The following ANXA4 variants were observed in gnomAD, a reference collection of about 807,000 sequenced individuals.
ANXA4 encodes the protein annexin A4.
A neutral mutation model predicts 49.8 loss-of-function variants in ANXA4; 39 were observed. The ratio of observed to expected loss-of-function variants is 0.78; its 90% confidence interval spans 0.61 to 1.02. The LOEUF (loss-of-function observed/expected upper bound fraction) is 1.02, where lower values mean the gene tolerates loss of function less well. Ranked by LOEUF, ANXA4 falls within the 50% of genes least tolerant of loss-of-function variation. ANXA4 has a pLI of 0.00. For missense variants in ANXA4, 360 were observed against 410.1 expected (o/e 0.88, Z 1.05); for synonymous variants, 134 against 152.5 (o/e 0.88, Z 0.89).
chr2:69,788,193 G>A, intron 3 of ANXA4, 52 bp downstream of exon 3: 2 of 1,518,852 alleles, frequency 1.3e-6, no homozygotes, highest in Non-Finnish European at 1.8e-6. Flanking sequence ...ACATCACAGG[G>A]TCACACAGGA....
intron 2 of ANXA4, among the ~76,000 whole-genome samples, chr2:69,673,187 T>G (rs1677255532): frequency 6.6e-6 from 1 of 152,296 alleles, no homozygotes; most frequent in Non-Finnish European, 1.5e-5. Context: ...ATCATTCTAC[T>G]ATAAAGACAC....
chr2:69,677,992 A>G (rs1677465026), intron 2 of ANXA4, among the ~76,000 whole-genome samples: 1 of 152,218 alleles, frequency 6.6e-6, no homozygotes, highest in African/African-American at 2.4e-5. Flanking sequence ...AGACTACAGT[A>G]TGGTGCAAAC....
chr2:69,763,410 T>C (rs1671374330), intron 1 of ANXA4, among the ~76,000 whole-genome samples: 1 of 152,020 alleles, frequency 6.6e-6, no homozygotes, highest in African/African-American at 2.4e-5. Context: ...AGAGAGGGCT[T>C]TTTGTTTTTT....
chr2:69,644,024 A>C, upstream of ANXA4: 1 of 373,862 alleles, frequency 2.7e-6, no homozygotes, highest in Non-Finnish European at 3.8e-6. Context: ...CTGGACTACA[A>C]ATCCCAGCAT....
chr2:69,800,662 TG>T (rs564632010), intron 3 of ANXA4, among the ~76,000 whole-genome samples: 377 of 152,182 alleles, frequency 2.5e-3, no homozygotes, highest in African/African-American at 8.8e-3. Context: ...CCTTGGGAGA[TG>T]ATTGAGTTTC....
chr2:69,719,003 G>A (rs1233660805), intron 2 of ANXA4, among the ~76,000 whole-genome samples: 2 of 147,658 alleles, frequency 1.4e-5, no homozygotes, highest in African/African-American at 5.0e-5. Flanking sequence ...TTGTGACTGA[G>A]TCTCACACTG....
upstream of ANXA4, among the ~76,000 whole-genome samples, chr2:69,741,520 A>C (rs1194368358): frequency 2.0e-5 from 3 of 152,260 alleles, no homozygotes; most frequent in African/African-American, 7.2e-5. Context: ...TGCTGGGCGC[A>C]CAGGGAAGAG....
chr2:69,791,946 A>G (rs916942827), intron 3 of ANXA4, among the ~76,000 whole-genome samples: 1 of 152,238 alleles, frequency 6.6e-6, no homozygotes, highest in African/African-American at 2.4e-5. Context: ...CACTAGAACC[A>G]TAGACATCCC....
At chr2:69,820,108 C>A (rs902929328) in intron 11 of ANXA4, among the ~76,000 whole-genome samples, 8 of 149,890 alleles carry the variant, frequency 5.3e-5, no homozygotes, top group Non-Finnish European at 1.0e-4. Flanking sequence ...ACAACAACAA[C>A]AAAAATGTAG....
At chr2:69,735,961 T>G (rs529525697) in intron 3 of ANXA4, among the ~76,000 whole-genome samples, 1 of 152,306 alleles carries the variant, frequency 6.6e-6, no homozygotes, top group Non-Finnish European at 1.5e-5. Flanking sequence ...CCAAAGCTCC[T>G]TGACTCTTTA....
At chr2:69,740,680 C>CTTTTTTTTTTTT (rs3077548), upstream of ANXA4, among the ~76,000 whole-genome samples, 4 of 75,760 alleles carry the variant, frequency 5.3e-5, 1 homozygote, top group Non-Finnish European at 9.7e-5. Flanking sequence ...CTTTCTTCCT[C>CTTTTTTTTTTTT]TTTTTTTTTT....
chr2:69,788,242 T>G, intron 3 of ANXA4, 101 bp downstream of exon 3: 2 of 1,063,804 alleles, frequency 1.9e-6, no homozygotes, highest in Non-Finnish European at 2.8e-6. Context: ...GGTCTTCCTT[T>G]AATAAAACAC....
intron 3 of ANXA4, among the ~76,000 whole-genome samples, chr2:69,729,687 A>G (rs556903339): frequency 5.6e-4 from 85 of 152,368 alleles, no homozygotes; most frequent in African/African-American, 2.0e-3. Context: ...ATATCACTTC[A>G]TAGTCATTAT....
intron 3 of ANXA4, among the ~76,000 whole-genome samples, chr2:69,724,609 A>G (rs1669909813): frequency 6.6e-6 from 1 of 152,162 alleles, no homozygotes; most frequent in African/African-American, 2.4e-5. Flanking sequence ...AGATCCTTTC[A>G]AGCCCTTTGG....
At position 69,804,636 on chromosome 2, in the gene ANXA4, C is replaced by G. The variant is rs1673362461; in HGVS notation, c.192+9C>G. On this transcript the variant is annotated intron_variant, in intron 4 of 12. Coordinates refer to ENST00000394295, the MANE Select transcript of ANXA4 (RefSeq NM_001153.5). ...AGAGCACCATCGGCAGGGTAGGCCA[C>G]AGTCTTTCCTGCTCTGTCTGGCTGA... 3 of 1,606,748 alleles carry G rather than the reference C, an allele frequency of 1.9e-6. No homozygotes were observed. The Admixed American group carries it at 5.1e-5, about 27-fold the overall frequency.
At chr2:69,711,288 C>T (rs1395666095) in intron 2 of ANXA4, among the ~76,000 whole-genome samples, 1 of 152,192 alleles carries the variant, frequency 6.6e-6, no homozygotes, top group Admixed American at 6.5e-5. Context: ...CGAGAAACAA[C>T]CCAAATGTCC....
intron 2 of ANXA4, among the ~76,000 whole-genome samples, chr2:69,660,775 GGAGAGAGA>G (rs60225306): frequency 6.9e-6 from 1 of 145,666 alleles, no homozygotes; most frequent in East Asian, 2.0e-4. Flanking sequence ...AGGGAGGGAG[GGAGAGAGA>G]GAGAGAGAGA....
chr2:69,819,472 C>T (rs1255659842), intron 11 of ANXA4, 134 bp downstream of exon 11: 3 of 637,988 alleles, frequency 4.7e-6, no homozygotes, highest in Non-Finnish European at 5.5e-6. Flanking sequence ...TCAGTGAGTG[C>T]CTGCTAATAA....
At chr2:69,748,614 G>A (rs982188354) in intron 1 of ANXA4, among the ~76,000 whole-genome samples, 8 of 150,256 alleles carry the variant, frequency 5.3e-5, no homozygotes, top group Non-Finnish European at 1.2e-4. Context: ...TTTTATGGGG[G>A]AATATTCATT....
Sources: allele counts gnomAD v4.1 joint callset (sites outside exome capture counted in the v4.1 genomes callset), GRCh38; gene constraint gnomAD v4.1.1; transcripts MANE v1.5; gene names NCBI Gene and HGNC (gene_info 2026-07-23, HGNC 2026-07-21).